The following POP5 variants were observed in gnomAD, a reference collection of about 807,000 sequenced individuals.
The protein encoded by POP5 is ribonuclease P/MRP protein subunit POP5.
In POP5, 18 loss-of-function variants were observed where a neutral mutation model predicts 20.7. The observed-to-expected ratio is 0.87, with a 90% CI of 0.60 to 1.29. POP5 has a LOEUF of 1.29. Ranked by LOEUF, POP5 falls within the 50% of genes most tolerant of loss-of-function variation. POP5 has a pLI of 0.00. For synonymous variants in POP5, 91 were observed against 78.0 expected (o/e 1.17, Z -0.88); for missense variants, 200 against 203.2 (o/e 0.98, Z 0.10).
chr12:120,581,179 T>C lies in POP5; in HGVS notation c.99A>G (p.Val33=). The C allele has an allele frequency of 6.2e-7, 1 of 1,613,908 alleles. No homozygotes were observed. Among genetic ancestry groups the C allele is most frequent in the African/African-American group, 1.3e-5 (1 of 75,064 alleles). Residue 33 remains valine, a synonymous_variant, in exon 2 of 5, where the codon GTA becomes GTG. Coordinates refer to ENST00000357500, the MANE Select transcript of POP5 (RefSeq NM_015918.4). Reference sequence around the variant, plus strand: ...CGTGCACCCTGGCGATCGTGTCCCGTACGAGGCTGCTCAGAACTCGGTCAT... The same window carrying C: ...CGTGCACCCTGGCGATCGTGTCCCGCACGAGGCTGCTCAGAACTCGGTCAT... ...SLDDRVLSSL[V]RDTIARVHGT...
At chr12:120,580,846 C>T (rs1049288000) in intron 2 of POP5, 9 of 524,026 alleles carry the variant, frequency 1.7e-5, no homozygotes, top group Non-Finnish European at 2.7e-5. Context: ...TCTACCCTAT[C>T]AAATTCAATC....
chr12:120,580,566 G>A (rs1320084977), intron 2 of POP5: 1 of 155,954 alleles, frequency 6.4e-6, no homozygotes, highest in East Asian at 1.9e-4. Context: ...CCTGACTTAG[G>A]AGAGTTAAGT....
At chr12:120,579,740 T>C (rs779883821) in intron 3 of POP5, 34 bp downstream of exon 3, 25 of 1,581,472 alleles carry the variant, frequency 1.6e-5, no homozygotes, top group Non-Finnish European at 2.1e-5. Context: ...GTGTCACCAA[T>C]TGAAAATCAG....
At chr12:120,579,979 C>A (rs1283710268) in intron 2 of POP5, 56 bp from the exon 3 acceptor site, 2 of 1,529,544 alleles carry the variant, frequency 1.3e-6, no homozygotes, top group Non-Finnish European at 1.8e-6. Flanking sequence ...TGGTGGCTCA[C>A]GCCTGTAATC....
rs201207481 is a variant in POP5, at chr12:120,581,313, C to A, written c.20+30G>T. 2,363 of 1,614,152 alleles carry A rather than the reference C, an allele frequency of 1.5e-3. 6 individuals carry two copies. The highest frequency in any genetic ancestry group is 1.9e-3 in the Non-Finnish European group (2,248 of 1,180,024). On this transcript the variant is annotated intron_variant, in intron 1 of 4. Coordinates refer to ENST00000357500, the MANE Select transcript of POP5 (RefSeq NM_015918.4). ...GCGGGGCCGCGAGGACCCAGCAAGG[C>A]ACTGGGAGGGTCTGGAAGGGAATGC...
At position 120,581,264 on chromosome 12, in the gene POP5, C is replaced by T. The variant is rs771923711; in HGVS notation, c.21-7G>A. ...CAGTTCGCAGAGCAGGTACCTGCGG[C>T]AGGCGAGAGGAAGGTGGACACTAGC... On this transcript the variant is annotated splice_region_variant and splice_polypyrimidine_tract_variant and intron_variant, in intron 1 of 4. Transcript: ENST00000357500. 18 of 1,614,100 alleles carry T rather than the reference C, an allele frequency of 1.1e-5. No homozygotes were observed. The highest frequency in any genetic ancestry group is 1.4e-5 in the Non-Finnish European group (17 of 1,180,054).
At position 120,579,758 on chromosome 12, in the gene POP5, A is replaced by G; in HGVS notation, c.313+16T>C. Reference sequence around the variant, plus strand: ...TCACCAATTGAAAATCAGTAGCCATACCACCTCACTCCTACCTCCCACATG... The same window carrying G: ...TCACCAATTGAAAATCAGTAGCCATGCCACCTCACTCCTACCTCCCACATG... On this transcript the variant is annotated intron_variant, in intron 3 of 4. Coordinates refer to ENST00000357500, the MANE Select transcript of POP5 (RefSeq NM_015918.4). The G allele has an allele frequency of 6.3e-7, 1 of 1,597,736 alleles. No individual in the cohort carries two copies.
chr12:120,579,690 G>A, intron 3 of POP5, 84 bp downstream of exon 3: 3 of 1,545,220 alleles, frequency 1.9e-6, no homozygotes, highest in South Asian at 1.1e-5. Context: ...TAGCGGGACA[G>A]CAGCAAGACC....
At chr12:120,579,724 G>A in intron 3 of POP5, 50 bp downstream of exon 3, 1 of 1,564,974 alleles carries the variant, frequency 6.4e-7, no homozygotes. Context: ...AGACTGAACT[G>A]TGAACGTGTC....
rs1205858913 is a variant in POP5, at chr12:120,579,933, G to C, written c.164-10C>G. 1 of 1,611,540 alleles carries C rather than the reference G, an allele frequency of 6.2e-7. No individual in the cohort carries two copies. The highest frequency in any genetic ancestry group is 1.3e-5 in the African/African-American group (1 of 74,960). ...GCATTGAGATATCGAACTACAACAG[G>C]AAAGAAAAATCATTTTGGAAAACTT... is the stretch of plus-strand genomic sequence containing the variant. On this transcript the variant is annotated splice_polypyrimidine_tract_variant and intron_variant, in intron 2 of 4. Coordinates refer to ENST00000357500, the MANE Select transcript of POP5 (RefSeq NM_015918.4).
At position 120,581,396 on chromosome 12, in the gene POP5, A is replaced by G; in HGVS notation, c.-34T>C. On this transcript the variant is annotated 5_prime_UTR_variant, in exon 1 of 5. Coordinates refer to ENST00000357500, the MANE Select transcript of POP5 (RefSeq NM_015918.4). ...CCGCGCTCTCCGGTCCGGCGTGCAA[A>G]CCGGATGTGAATTCTGTCCGCTGCC... The G allele has an allele frequency of 6.2e-7, 1 of 1,602,302 alleles. No homozygotes were observed. Among genetic ancestry groups the G allele is most frequent in the Non-Finnish European group, 8.5e-7 (1 of 1,174,926 alleles).
Position 120,579,601 on chromosome 12 carries a change from G to A in POP5, c.314-4C>T. 6.2e-7 allele frequency: 1 copy of A among 1,610,490 alleles called. No homozygotes were observed. The highest frequency in any genetic ancestry group is 8.5e-7 in the Non-Finnish European group (1 of 1,176,742). On this transcript the variant is annotated splice_polypyrimidine_tract_variant and splice_region_variant and intron_variant, in intron 3 of 4. Coordinates refer to ENST00000357500, the MANE Select transcript of POP5 (RefSeq NM_015918.4). ...TTCTGACATGTTCTTATTGTACCTG[G>A]CATATGAGTTACTGTGGTCAACAGC...
intron 2 of POP5, chr12:120,580,161 G>A (rs1877789087): frequency 2.4e-6 from 1 of 415,274 alleles, no homozygotes; most frequent in Admixed American, 4.2e-5. Flanking sequence ...AGAATCGCCT[G>A]AACCCAGGAG....
At chr12:120,580,134 C>T (rs1877787472) in intron 2 of POP5, 1 of 481,502 alleles carries the variant, frequency 2.1e-6, no homozygotes, top group South Asian at 2.3e-5. Context: ...TCCAGCCACT[C>T]AGGAGGCTGA....
chr12:120,580,678 G>C (rs1877816393), intron 2 of POP5: 1 of 184,312 alleles, frequency 5.4e-6, no homozygotes, highest in Middle Eastern at 2.6e-3. Flanking sequence ...AGCTCATCCT[G>C]TATTTACATA....
Position 120,579,258 on chromosome 12 carries a change from C to G in POP5, c.*60G>C, listed in dbSNP as rs1877716191. ...AGATGCTGTTGCTACCCAGATTGTT[C>G]TGTTCAACAAGTGGGCCTGAAGCCT... On this transcript the variant is annotated 3_prime_UTR_variant, in exon 5 of 5. Coordinates refer to ENST00000357500, the MANE Select transcript of POP5 (RefSeq NM_015918.4). 1 of 1,443,730 alleles carries G rather than the reference C, an allele frequency of 6.9e-7. No individual in the cohort carries two copies. Among genetic ancestry groups the G allele is most frequent in the Middle Eastern group, 2.2e-4 (1 of 4,636 alleles). 89.4% of individuals were successfully genotyped at this position (1,443,730 alleles called of 1,614,324 possible). A position where few individuals can be genotyped will look rare whatever the true frequency, so the allele number is the denominator to read the frequency against.
chr12:120,579,959 T>C (rs1877776333), intron 2 of POP5, 36 bp from the exon 3 acceptor site: 3 of 1,597,048 alleles, frequency 1.9e-6, no homozygotes, highest in South Asian at 1.1e-5. Flanking sequence ...TGGAAAACTT[T>C]TGCTCTGTGT....
In POP5 at chr12:120,579,509, C is replaced by T. The variant is rs766795758; in HGVS notation, c.397+5G>A. On this transcript the variant is annotated splice_donor_5th_base_variant and intron_variant, in intron 4 of 4. Transcript: ENST00000357500. ...CTCAGTGGGCACTGGGCTAGTGTTG[C>T]TTACCTTCATCAGTGCAGTTCTGCA... 3.7e-6 allele frequency: 6 copies of T among 1,613,594 alleles called. No individual in the cohort carries two copies. Among genetic ancestry groups the T allele is most frequent in the East Asian group, 4.5e-5 (2 of 44,902 alleles).
chr12:120,579,722 C>T (rs2137287742), intron 3 of POP5, 52 bp downstream of exon 3: 1 of 1,562,474 alleles, frequency 6.4e-7, no homozygotes, highest in South Asian at 1.1e-5. Context: ...TTAGACTGAA[C>T]TGTGAACGTG....
Sources: allele counts gnomAD v4.1 joint callset, GRCh38; gene constraint gnomAD v4.1.1; transcripts MANE v1.5; gene names NCBI Gene and HGNC (gene_info 2026-07-23, HGNC 2026-07-21).